The following C19orf18 variants were observed in gnomAD, a reference collection of about 807,000 sequenced individuals.
C19orf18 encodes the protein chromosome 19 open reading frame 18.
In C19orf18, 21 loss-of-function variants were observed where a neutral mutation model predicts 23.3. That is an observed-to-expected ratio of 0.90 (90% CI 0.64 to 1.30). C19orf18 has a LOEUF of 1.30. Among genes scored for constraint, C19orf18 ranks in the 50% most tolerant of loss-of-function variants. C19orf18 has a pLI of 0.00. For missense variants in C19orf18, 249 were observed against 259.6 expected (o/e 0.96, Z 0.28); for synonymous variants, 96 against 95.2 (o/e 1.01, Z -0.05).
At chr19:57,964,048 C>G (rs1443929642) in intron 4 of C19orf18, among the ~76,000 whole-genome samples, 1 of 151,978 alleles carries the variant, frequency 6.6e-6, no homozygotes, top group East Asian at 1.9e-4. Flanking sequence ...AAAACTTGTA[C>G]TTTTGAACAG....
At chr19:57,963,025 ATTTT>A (rs1240503714) in intron 4 of C19orf18, among the ~76,000 whole-genome samples, 1 of 131,266 alleles carries the variant, frequency 7.6e-6, no homozygotes, top group African/African-American at 2.9e-5. Flanking sequence ...TTTTAACTCA[ATTTT>A]TTTTTTTTTT....
intron 3 of C19orf18, 42 bp from the exon 4 acceptor site, chr19:57,966,674 T>C (rs1232185607): frequency 1.5e-6 from 2 of 1,369,238 alleles, no homozygotes; most frequent in African/African-American, 1.4e-5. Flanking sequence ...AAAATGTTCA[T>C]TTTAGCTATG....
chr19:57,959,794 CAAAAAAA>C (rs35485603), intron 5 of C19orf18, among the ~76,000 whole-genome samples: 2 of 99,304 alleles, frequency 2.0e-5, no homozygotes, highest in Non-Finnish European at 4.0e-5. Flanking sequence ...AACTCTGCCT[CAAAAAAA>C]AAAAAAAAAA....
chr19:57,968,291 A>T (rs2072921921), intron 3 of C19orf18, among the ~76,000 whole-genome samples: 1 of 152,016 alleles, frequency 6.6e-6, no homozygotes, highest in African/African-American at 2.4e-5. Flanking sequence ...TAATATCCTC[A>T]CCTTTGGGGT....
At chr19:57,971,308 T>C (rs2072943091) in intron 3 of C19orf18, among the ~76,000 whole-genome samples, 1 of 151,378 alleles carries the variant, frequency 6.6e-6, no homozygotes, top group Admixed American at 6.6e-5. Flanking sequence ...ACCCCAACAA[T>C]CTCTATGGAG....
intron 3 of C19orf18, among the ~76,000 whole-genome samples, chr19:57,972,189 T>C (rs933144175): frequency 6.6e-6 from 1 of 152,230 alleles, no homozygotes; most frequent in African/African-American, 2.4e-5. Context: ...CCGCTGTGTG[T>C]GCCCATGCAT....
At chr19:57,967,704 A>G (rs1004548231) in intron 3 of C19orf18, among the ~76,000 whole-genome samples, 9 of 150,958 alleles carry the variant, frequency 6.0e-5, no homozygotes, top group Admixed American at 5.3e-4. Flanking sequence ...GGGAGGTGAG[A>G]TTGCGCCATT....
intron 3 of C19orf18, among the ~76,000 whole-genome samples, chr19:57,969,149 C>T (rs1307342148): frequency 2.0e-5 from 3 of 152,112 alleles, no homozygotes; most frequent in East Asian, 1.9e-4. Context: ...CTCCTGTTTC[C>T]AGGAATCTAT....
In C19orf18 at chr19:57,961,433, G is replaced by T. The variant is rs1423562485; in HGVS notation, c.490C>A (p.Leu164Ile). 1 of 1,613,922 alleles carries T rather than the reference G, an allele frequency of 6.2e-7. No individual in the cohort carries two copies. The highest frequency in any genetic ancestry group is 1.3e-5 in the African/African-American group (1 of 74,902). ...SEDEGESTHL[L>I]PENENELEKF... is the part of the protein sequence containing the mutation. ...TCCAGCTCATTTTCGTTCTCTGGAA[G>T]TAGGTGCGTGGACTCACCCTCGTCC... The change falls in exon 5 of 6, where the codon CTT (leucine) becomes ATT (isoleucine). Residue 164 changes from leucine to isoleucine, a missense_variant. Leu to Ile is a conservative substitution (Grantham distance 5, BLOSUM62 2). Transcript: ENST00000314391.
At chr19:57,960,791 T>C (rs147791677) in intron 5 of C19orf18, among the ~76,000 whole-genome samples, 2 of 152,310 alleles carry the variant, frequency 1.3e-5, no homozygotes, top group African/African-American at 2.4e-5. Context: ...CTCTGTAAGA[T>C]TTGATGAGAA....
Position 57,961,892 on chromosome 19 carries a change from C to CT in C19orf18, c.372-342dup, listed in dbSNP as rs534369230. Among the ~76,000 whole-genome samples the CT allele has an allele frequency of 3.0e-4, 44 of 148,294 alleles. 1 individual carries two copies. Among genetic ancestry groups the CT allele is most frequent in the South Asian group, 2.7e-3 (13 of 4,784 alleles). ...TCCTTTCTCTTCTCTTTTTCTTTCT[C>CT]TTTTTTTTCCTTTTTCTTTCTTCTT... On this transcript the variant is annotated intron_variant, in intron 4 of 5. Coordinates refer to ENST00000314391, the MANE Select transcript of C19orf18 (RefSeq NM_152474.5).
chr19:57,960,982 A>G (rs1202560721), intron 5 of C19orf18, among the ~76,000 whole-genome samples: 1 of 152,128 alleles, frequency 6.6e-6, no homozygotes, highest in Non-Finnish European at 1.5e-5. Context: ...GATCGAGACC[A>G]TCCTGGCACC....
In C19orf18 at chr19:57,958,609, T is replaced by TCTTC. The variant is rs1299886564; in HGVS notation, c.637_640dup (p.Asp214GlyfsTer13). 1 of 1,599,244 alleles carries TCTTC rather than the reference T, an allele frequency of 6.3e-7. No homozygotes were observed. Among genetic ancestry groups the TCTTC allele is most frequent in the Non-Finnish European group, 8.5e-7 (1 of 1,170,696 alleles). ...CACCTCTGTCGTCTGCGTTCACAAGTCTTCCATTTTTCCATTATGTGACGC... is the reference window on the plus strand; with the variant it reads ...CACCTCTGTCGTCTGCGTTCACAAGTCTTCCTTCCATTTTTCCATTATGTGACGC... On this transcript the variant is annotated frameshift_variant, in exon 6 of 6. Coordinates refer to ENST00000314391, the MANE Select transcript of C19orf18 (RefSeq NM_152474.5). LOFTEE classifies it high-confidence loss of function.
rs570123624 is a variant in C19orf18, at chr19:57,961,245, TGAAA to T, written c.532+142_532+145del. The stretch of plus-strand genomic sequence containing the variant: ...GTAAGAGTCCGTCTTAAAAAAAAAA[TGAAA>T]GAAAGAAAGGAAGGAAGAAAGAAAG... On this transcript the variant is annotated intron_variant, in intron 5 of 5. Transcript: ENST00000314391. 276 of 818,512 alleles carry T rather than the reference TGAAA, an allele frequency of 3.4e-4. 4 individuals carry two copies. In the South Asian group the frequency reaches 4.6e-3, roughly 14 times the overall value. The allele number at this position is 818,512 out of a possible 1,614,324, so 50.7% of individuals were successfully genotyped here.
At chr19:57,962,004 CTCTG>C (rs895073325) in intron 4 of C19orf18, among the ~76,000 whole-genome samples, 3 of 147,774 alleles carry the variant, frequency 2.0e-5, no homozygotes, top group East Asian at 4.0e-4. Flanking sequence ...CCCTTTCTCT[CTCTG>C]TATCTCTCCC....
At chr19:57,966,039 A>G (rs4801240) in intron 4 of C19orf18, among the ~76,000 whole-genome samples, 40,058 of 149,632 alleles carry the variant, frequency 0.27, 5,815 homozygotes, top group African/African-American at 0.39. Context: ...GTGCAGTGGC[A>G]CGATCTCGGC....
rs201797138 is a variant in C19orf18, at chr19:57,972,439, G to A, written c.268+24C>T. On this transcript the variant is annotated intron_variant, in intron 3 of 5. Coordinates refer to ENST00000314391, the MANE Select transcript of C19orf18 (RefSeq NM_152474.5). ...CTTCAGGAATGTTGCGGGTCCACCC[G>A]CCCTCCCAGATCCCTTGGCTTACCT... The A allele has an allele frequency of 3.0e-5, 49 of 1,611,046 alleles. 1 individual carries two copies. Among genetic ancestry groups the A allele is most frequent in the Middle Eastern group, 3.3e-4 (2 of 6,028 alleles).
In C19orf18 at chr19:57,974,352, T is replaced by G; in HGVS notation, c.81A>C (p.Ala27=). Residue 27 remains alanine, a synonymous_variant, in exon 1 of 6, where the codon GCA becomes GCC. Transcript: ENST00000314391. ...ECQLHLCLPY[A]DGLHPTGNIT... is the part of the protein sequence containing the mutation. ...TGTTTCCAGTGGGATGGAGTCCATC[T>G]GCATACGGCAAGCATAAATGAAGTT... 6.2e-7 allele frequency: 1 copy of G among 1,614,200 alleles called. No individual in the cohort carries two copies. The highest frequency in any genetic ancestry group is 8.5e-7 in the Non-Finnish European group (1 of 1,180,032).
chr19:57,974,345 G>A lies in C19orf18; in HGVS notation c.88C>T (p.Leu30Phe). The A allele has an allele frequency of 6.2e-7, 1 of 1,614,120 alleles. No homozygotes were observed. The highest frequency in any genetic ancestry group is 1.1e-5 in the South Asian group (1 of 91,078). The change falls in exon 1 of 6, where the codon CTC becomes TTC. Residue 30 changes from leucine to phenylalanine, a missense_variant. By Grantham distance (22) the Leu-to-Phe change is conservative. Transcript: ENST00000314391. ...CCTGTTATGTTTCCAGTGGGATGGAGTCCATCTGCATACGGCAAGCATAAA... is the reference window on the plus strand; with the variant it reads ...CCTGTTATGTTTCCAGTGGGATGGAATCCATCTGCATACGGCAAGCATAAA... Reference protein sequence around the residue: ...LHLCLPYADGLHPTGNITGLP... With the variant: ...LHLCLPYADGFHPTGNITGLP...
Sources: gnomAD v4.1 joint callset for allele counts (sites outside exome capture counted in the v4.1 genomes callset) on GRCh38, gnomAD v4.1.1 for gene constraint, MANE v1.5 for transcripts, NCBI Gene and HGNC (gene_info 2026-07-23, HGNC 2026-07-21) for gene names.